The following ARPC5L variants were observed in gnomAD, a reference collection of about 807,000 sequenced individuals.
ARPC5L encodes the protein actin related protein 2/3 complex subunit 5 like, also known as actin-related protein 2/3 complex subunit 5-like protein.
ARPC5L carries 4 observed loss-of-function variants against 16.9 expected under a neutral mutation model. That is an observed-to-expected ratio of 0.24 (90% CI 0.12 to 0.54). The LOEUF is 0.54. Among genes scored for constraint, ARPC5L ranks in the 20% least tolerant of loss-of-function variants. ARPC5L has a pLI of 0.95. For synonymous variants in ARPC5L, 78 were observed against 82.6 expected, an observed-to-expected ratio of 0.94 and a Z score of 0.30; for missense variants, 151 against 201.9, an observed-to-expected ratio of 0.75 and a Z score of 1.53.
intron 5 of ARPC5L, among the ~76,000 whole-genome samples, chr9:124,875,630 C>T (rs1047267210): frequency 3.3e-5 from 5 of 152,220 alleles, no homozygotes; most frequent in African/African-American, 1.2e-4. Flanking sequence ...CTTGACCTCA[C>T]TTAATATGGC....
Position 124,872,438 on chromosome 9 carries a change from A to G in ARPC5L, c.150-1254A>G, listed in dbSNP as rs543605208. 5.3e-5 allele frequency among the ~76,000 whole-genome samples: 8 copies of G among 152,284 alleles called. No homozygotes were observed. The East Asian group carries it at 1.6e-3, about 30-fold the overall frequency. ...GTGAAACCCCGCCTCTACTAAAAAT[A>G]CAAAAAAAATTAGCTGGGCGTGCTG... On this transcript the variant is annotated intron_variant, in intron 3 of 5. Transcript: ENST00000353214.
intron 2 of ARPC5L, among the ~76,000 whole-genome samples, chr9:124,867,928 G>C (rs1829295268): frequency 6.6e-6 from 1 of 151,254 alleles, no homozygotes; most frequent in Admixed American, 6.6e-5. Flanking sequence ...TCCTGCCTCA[G>C]CCTCCCGAGT....
intron 1 of ARPC5L, among the ~76,000 whole-genome samples, chr9:124,863,422 CA>C (rs1564309800): frequency 6.6e-6 from 1 of 152,164 alleles, no homozygotes; most frequent in African/African-American, 2.4e-5. Flanking sequence ...ACTGGGATTA[CA>C]GGTGTGAGCC....
chr9:124,868,122 G>A (rs573015963), intron 2 of ARPC5L, among the ~76,000 whole-genome samples: 1 of 152,002 alleles, frequency 6.6e-6, no homozygotes, highest in East Asian at 1.9e-4. Flanking sequence ...CCCACTATGG[G>A]AGTCTGTATC....
chr9:124,873,029 C>T (rs1829382245), intron 3 of ARPC5L: 1 of 152,214 alleles, frequency 6.6e-6, no homozygotes, highest in South Asian at 2.1e-4. Flanking sequence ...GGGGACCTAA[C>T]CCAGATTGTA....
rs1483752354 is a variant in ARPC5L at position 124,877,292 on chromosome 9, T to G, written c.*352T>G. 2.1e-5 allele frequency: 5 copies of G among 235,836 alleles called. No homozygotes were observed. The highest frequency in any genetic ancestry group is 2.5e-5 in the Non-Finnish European group (3 of 122,184). The allele number at this position is 235,836 out of a possible 1,614,324, so 14.6% of individuals were successfully genotyped here. The stretch of plus-strand genomic sequence containing the variant: ...TGTGGTAAACGGGAGAGCTTGTGTT[T>G]TTGAAGTGGAAAAAAACCCAAGAGT... On this transcript the variant is annotated 3_prime_UTR_variant, in exon 6 of 6. Coordinates refer to ENST00000353214, the MANE Select transcript of ARPC5L (RefSeq NM_030978.3).
intron 5 of ARPC5L, among the ~76,000 whole-genome samples, chr9:124,875,550 C>T (rs1829421136): frequency 1.3e-5 from 2 of 152,280 alleles, no homozygotes; most frequent in South Asian, 4.1e-4. Flanking sequence ...ATAGAGTCCT[C>T]CAGCCAGCTC....
intron 2 of ARPC5L, among the ~76,000 whole-genome samples, chr9:124,865,729 G>A (rs1829259693): frequency 6.6e-6 from 1 of 152,016 alleles, no homozygotes; most frequent in African/African-American, 2.4e-5. Flanking sequence ...GGGGGCAGAG[G>A]TTGCAGTGAG....
intron 2 of ARPC5L, among the ~76,000 whole-genome samples, chr9:124,866,363 C>T (rs530895279): frequency 2.0e-5 from 3 of 151,980 alleles, no homozygotes; most frequent in Non-Finnish European, 4.4e-5. Context: ...GAGACTGTGC[C>T]ACTGCACTCC....
intron 5 of ARPC5L, 85 bp downstream of exon 5, chr9:124,875,236 G>T: frequency 1.2e-5 from 18 of 1,478,626 alleles, no homozygotes; most frequent in Non-Finnish European, 1.7e-5. Context: ...CAGAACAAAC[G>T]TAGGACGGTC....
At chr9:124,862,815 C>T (rs1022169290) in intron 1 of ARPC5L, among the ~76,000 whole-genome samples, 3 of 151,966 alleles carry the variant, frequency 2.0e-5, no homozygotes, top group African/African-American at 7.2e-5. Context: ...CGTGAGCCAC[C>T]ACGCCTGGCC....
chr9:124,871,885 A>G (rs572145606), intron 3 of ARPC5L, among the ~76,000 whole-genome samples: 9 of 152,316 alleles, frequency 5.9e-5, no homozygotes, highest in African/African-American at 2.2e-4. Flanking sequence ...TCCTGGGTCC[A>G]CAGTGTCAGT....
intron 2 of ARPC5L, among the ~76,000 whole-genome samples, chr9:124,867,982 T>C (rs1397642986): frequency 6.6e-6 from 1 of 152,016 alleles, no homozygotes; most frequent in Non-Finnish European, 1.5e-5. Context: ...GCTAATTTTG[T>C]ATTTCTAGTA....
chr9:124,871,718 C>T (rs1187323067), intron 3 of ARPC5L, among the ~76,000 whole-genome samples: 1 of 152,150 alleles, frequency 6.6e-6, no homozygotes, highest in Non-Finnish European at 1.5e-5. Context: ...ACTTCTGGAT[C>T]AGGGCTCTGT....
intron 2 of ARPC5L, among the ~76,000 whole-genome samples, chr9:124,865,224 A>G (rs558453094): frequency 2.0e-5 from 3 of 149,572 alleles, no homozygotes; most frequent in Middle Eastern, 6.9e-3. Flanking sequence ...GGCTGAAGCA[A>G]GAGAATCGCT....
In ARPC5L at chr9:124,877,531, G is replaced by A. The variant is rs574837426; in HGVS notation, c.*591G>A. Reference sequence around the variant, plus strand: ...GTGGAAGGAGTAGACCTGTGTCCCTGTTGAGCCACCCCTGGGAGCGAGCAT... The same window carrying A: ...GTGGAAGGAGTAGACCTGTGTCCCTATTGAGCCACCCCTGGGAGCGAGCAT... On this transcript the variant is annotated 3_prime_UTR_variant, in exon 6 of 6. Coordinates refer to ENST00000353214, the MANE Select transcript of ARPC5L (RefSeq NM_030978.3). 6.6e-6 allele frequency: 1 copy of A among 152,660 alleles called. No homozygotes were observed. The highest frequency in any genetic ancestry group is 1.5e-5 in the Non-Finnish European group (1 of 68,102). 9.5% of individuals were successfully genotyped at this position (152,660 alleles called of 1,614,324 possible).
At position 124,869,394 on chromosome 9, in the gene ARPC5L, C is replaced by CGGA; in HGVS notation, c.106_108dup (p.Glu36dup). 6.6e-7 allele frequency: 1 copy of CGGA among 1,509,018 alleles called. No homozygotes were observed. Among genetic ancestry groups the CGGA allele is most frequent in the Non-Finnish European group, 8.9e-7 (1 of 1,128,564 alleles). The allele number at this position is 1,509,018 out of a possible 1,614,324, so 93.5% of individuals were successfully genotyped here. A position where few individuals can be genotyped will look rare whatever the true frequency, so the allele number is the denominator to read the frequency against. ...CAGGAGGAGGCGGCGGCGGCGGCGG[C>CGGA]GGAGCCAGGCCCGGACCCGAGCGAG... On this transcript the variant is annotated inframe_insertion, in exon 3 of 6. Transcript: ENST00000353214.
chr9:124,877,479 G>A lies in ARPC5L; in HGVS notation c.*539G>A, dbSNP rs56180964. Reference sequence around the variant, plus strand: ...ATGAATGGGATGGTAATGAATGAGAGTTCAGTTGTTGTTCCGGAAACCCGA... The same window carrying A: ...ATGAATGGGATGGTAATGAATGAGAATTCAGTTGTTGTTCCGGAAACCCGA... On this transcript the variant is annotated 3_prime_UTR_variant, in exon 6 of 6. Transcript: ENST00000353214. 0.028 allele frequency: 4,279 copies of A among 153,198 alleles called. 107 individuals carry two copies. The highest frequency in any genetic ancestry group is 0.039 in the Non-Finnish European group (2,677 of 68,404). 9.5% of individuals were successfully genotyped at this position (153,198 alleles called of 1,614,324 possible).
chr9:124,863,133 C>A (rs1025974723), intron 1 of ARPC5L, among the ~76,000 whole-genome samples: 1 of 152,044 alleles, frequency 6.6e-6, no homozygotes, highest in African/African-American at 2.4e-5. Context: ...CCTGGCCATA[C>A]AGCCTTTTTT....
Sources: allele counts gnomAD v4.1 joint callset (sites outside exome capture counted in the v4.1 genomes callset), GRCh38; gene constraint gnomAD v4.1.1; transcripts MANE v1.5; gene names NCBI Gene and HGNC (gene_info 2026-07-23, HGNC 2026-07-21).